GSN: variants seen among roughly 807,000 people sequenced by gnomAD.
GSN encodes gelsolin.
Under a neutral mutation model 85.7 loss-of-function variants are expected in GSN, and 56 were observed. The ratio of observed to expected loss-of-function variants is 0.65; its 90% CI spans 0.53 to 0.82. GSN has a LOEUF of 0.82. Among genes scored for constraint, GSN ranks in the 40% least tolerant of loss-of-function variants. The pLI, the probability that GSN is intolerant of heterozygous loss-of-function variation, is 0.00. For missense variants in GSN, 857 were observed against 979.8 expected, an observed-to-expected ratio of 0.87 and a Z score of 1.67; for synonymous variants, 373 against 399.1, an observed-to-expected ratio of 0.93 and a Z score of 0.78.
intron 10 of GSN, among the ~76,000 whole-genome samples, chr9:121,320,021 T>C (rs1025790805): frequency 4.6e-5 from 7 of 152,208 alleles, no homozygotes; most frequent in African/African-American, 1.7e-4. Context: ...AATGAAAATA[T>C]TTCGGGTGGG....
intron 5 of GSN, among the ~76,000 whole-genome samples, chr9:121,243,543 G>C (rs996836288): frequency 1.7e-4 from 26 of 152,170 alleles, no homozygotes; most frequent in African/African-American, 5.8e-4. Flanking sequence ...TTCAAGGTCA[G>C]GGTTATTGAG....
intron 4 of GSN, among the ~76,000 whole-genome samples, chr9:121,211,288 T>C (rs960409735): frequency 3.3e-5 from 5 of 152,226 alleles, no homozygotes; most frequent in Non-Finnish European, 5.9e-5. Context: ...TGCTATTAAA[T>C]AGTACACTTA....
At chr9:121,208,708 C>CCCT (rs2132063660) in intron 1 of GSN, among the ~76,000 whole-genome samples, 1 of 152,344 alleles carries the variant, frequency 6.6e-6, no homozygotes, top group African/African-American at 2.4e-5. Context: ...CACATGGTCA[C>CCCT]ACCTAGCTGA....
chr9:121,294,269 G>A (rs189670482), intron 2 of GSN, among the ~76,000 whole-genome samples: 2 of 152,266 alleles, frequency 1.3e-5, no homozygotes, highest in Non-Finnish European at 2.9e-5. Flanking sequence ...GTGGATTTGC[G>A]TTTGTGCCTG....
Position 121,318,466 on chromosome 9 carries a change from C to T in GSN, c.947C>T (p.Thr316Ile), listed in dbSNP as rs139028645. 1.9e-6 allele frequency: 3 copies of T among 1,613,886 alleles called. No individual in the cohort carries two copies. The highest frequency in any genetic ancestry group is 4.5e-5 in the East Asian group (2 of 44,854). ...CTCAAAACAGCCTCTGACTTCATCA[C>T]CAAGATGGACTACCCCAAGCAGACT... ...AALKTASDFI[T>I]KMDYPKQTQV... The change falls in exon 9 of 18, where the codon ACC (threonine) becomes ATC (isoleucine). Residue 316 changes from threonine (T) to isoleucine (I), a missense_variant. Coordinates refer to ENST00000432226, the MANE Select transcript of GSN (RefSeq NM_198252.3). This position sits in a 1 kb window ranked among gnomAD's most constrained non-coding sequence, Gnocchi z 4.3.
chr9:121,271,892 C>G (rs372036960), intron 1 of GSN, among the ~76,000 whole-genome samples: 9 of 152,256 alleles, frequency 5.9e-5, no homozygotes, highest in African/African-American at 2.2e-4. Context: ...CTGGTCCCCC[C>G]TTTTCATCAA....
In GSN at chr9:121,305,849, C is replaced by T. The variant is rs143921540; in HGVS notation, c.351+2784C>T. Among the ~76,000 whole-genome samples the T allele has an allele frequency of 2.1e-3, 322 of 152,354 alleles. 1 individual carries two copies. Among genetic ancestry groups the T allele is most frequent in the African/African-American group, 7.6e-3 (318 of 41,586 alleles). The stretch of plus-strand genomic sequence containing the variant: ...CAGGTCCAGCCCAAGGTTCTCGCCC[C>T]GGCGCCCTCATCAATTATAGATCCC... On this transcript the variant is annotated intron_variant, in intron 4 of 17. Coordinates refer to ENST00000432226, the MANE Select transcript of GSN (RefSeq NM_198252.3).
intron 5 of GSN, among the ~76,000 whole-genome samples, chr9:121,240,360 T>C (rs1276049752): frequency 6.6e-6 from 1 of 152,218 alleles, no homozygotes; most frequent in Non-Finnish European, 1.5e-5. Context: ...GTCTGCTGTC[T>C]GCAATCAGCT....
intron 5 of GSN, among the ~76,000 whole-genome samples, chr9:121,246,532 C>T (rs118109896): frequency 1.3e-5 from 2 of 152,104 alleles, no homozygotes; most frequent in African/African-American, 4.8e-5. Flanking sequence ...CTAATAGAAA[C>T]CTTAGCATAG....
chr9:121,302,866 G>A (rs1564484042), intron 3 of GSN, 45 bp from the exon 4 acceptor site: 2 of 1,604,854 alleles, frequency 1.2e-6, no homozygotes, highest in South Asian at 1.1e-5. Context: ...AGGGGTCTGG[G>A]ATACTTCTGG....
chr9:121,286,103 C>A, intron 2 of GSN: 2 of 1,535,318 alleles, frequency 1.3e-6, no homozygotes, highest in South Asian at 2.4e-5. Context: ...TTAGGTTGGC[C>A]TGTGTCAGGA....
rs149375418 is a variant in GSN at position 121,321,315 on chromosome 9, A to G, written c.1239A>G (p.Thr413=). The G allele has an allele frequency of 1.5e-3, 2,429 of 1,613,926 alleles. 44 individuals carry two copies. In the African/African-American group the frequency reaches 0.029, roughly 19 times the overall value. ...ACAAGGTGCCCGTGGACCCTGCCAC[A>G]TATGGACAGTTCTATGGAGGCGACA... The part of the protein sequence containing the change: ...GSNKVPVDPA[T]YGQFYGGDSY... The change falls in exon 11 of 18, where the codon ACA becomes ACG. Residue 413 remains threonine (T), a synonymous_variant. Transcript: ENST00000432226.
chr9:121,302,097 C>T lies in GSN; in HGVS notation c.126C>T (p.Asp42=), dbSNP rs200027070. ...TNLYGDFFTG[D]AYVILKTVQL... ...TTTATGGAGACTTCTTCACGGGCGA[C>T]GCCTACGTCATCCTGAAGACAGTGC... is the stretch of plus-strand genomic sequence containing the variant. Residue 42 remains aspartate (D), a synonymous_variant, in exon 3 of 18, where the codon GAC becomes GAT. Coordinates refer to ENST00000432226, the MANE Select transcript of GSN (RefSeq NM_198252.3). The T allele has an allele frequency of 1.9e-4, 313 of 1,614,196 alleles. No homozygotes were observed. The highest frequency in any genetic ancestry group is 2.5e-4 in the Non-Finnish European group (300 of 1,179,978).
intron 4 of GSN, among the ~76,000 whole-genome samples, chr9:121,224,733 G>C (rs1161081467): frequency 7.2e-6 from 1 of 138,664 alleles, no homozygotes; most frequent in Non-Finnish European, 1.5e-5. Flanking sequence ...TGATTAGCTA[G>C]GCTACCTGAA....
In GSN at chr9:121,310,856, C is replaced by T. The variant is rs780056710; in HGVS notation, c.513+11C>T. On this transcript the variant is annotated intron_variant, in intron 5 of 17. Transcript: ENST00000432226. The stretch of plus-strand genomic sequence containing the variant: ...CTGGACCTGGGCAACGTGAGTCCTG[C>T]TTTCCTCTTTCCCAGGAGCCACTGA... The T allele has an allele frequency of 6.2e-7, 1 of 1,613,408 alleles. No individual in the cohort carries two copies. The highest frequency in any genetic ancestry group is 8.5e-7 in the Non-Finnish European group (1 of 1,179,782).
At chr9:121,213,137 A>G (rs1478661832) in intron 4 of GSN, among the ~76,000 whole-genome samples, 1 of 152,198 alleles carries the variant, frequency 6.6e-6, no homozygotes, top group Non-Finnish European at 1.5e-5. Context: ...TCACTGCTCG[A>G]TACCCGGCCT....
chr9:121,214,806 G>A (rs2054030280), intron 4 of GSN, among the ~76,000 whole-genome samples: 1 of 152,176 alleles, frequency 6.6e-6, no homozygotes, highest in African/African-American at 2.4e-5. Context: ...TGCCTTAGAT[G>A]GATGAGCGAT....
intron 1 of GSN, among the ~76,000 whole-genome samples, chr9:121,268,459 T>C (rs2055392154): frequency 6.6e-6 from 1 of 151,910 alleles, no homozygotes; most frequent in Non-Finnish European, 1.5e-5. Flanking sequence ...GGGCCAGGCC[T>C]CCACCCCGTG....
exon 5 of GSN, chr9:121,231,216 A>G (rs2054382205): frequency 6.6e-6 from 1 of 152,146 alleles, no homozygotes. Context: ...AACGCTCCAC[A>G]ATGCTGCAGA....
Sources: gnomAD v4.1 joint callset for allele counts (sites outside exome capture counted in the v4.1 genomes callset) on GRCh38, gnomAD v4.1.1 for gene constraint, Gnocchi (gnomAD v3.1) non-coding constraint, MANE v1.5 for transcripts, NCBI Gene and HGNC (gene_info 2026-07-23, HGNC 2026-07-21) for gene names.